Variants in GALNTL6 observed in about 807,000 individuals in gnomAD.
GALNTL6 encodes polypeptide N-acetylgalactosaminyltransferase-like 6.
In GALNTL6, 46 loss-of-function variants were observed where a neutral mutation model predicts 73.7. The observed-to-expected ratio is 0.62, with a 90% confidence interval of 0.49 to 0.80. The LOEUF is 0.80. Ranked by LOEUF, GALNTL6 falls within the 30% of genes least tolerant of loss-of-function variation. The pLI, the probability that GALNTL6 is intolerant of heterozygous loss-of-function variation, is 0.00. For synonymous variants in GALNTL6, 259 were observed against 263.7 expected, an observed-to-expected ratio of 0.98 and a Z score of 0.17; for missense variants, 604 against 755.0, an observed-to-expected ratio of 0.80 and a Z score of 2.34.
chr4:172,816,753 C>T (rs1236759580), intron 7 of GALNTL6, among the ~76,000 whole-genome samples: 2 of 152,076 alleles, frequency 1.3e-5, no homozygotes, highest in East Asian at 1.9e-4. Flanking sequence ...AGAGAAAAGG[C>T]AGCATTCATG....
rs1008221305 is a variant in GALNTL6 at position 172,024,376 on chromosome 4, G to A, written c.139-205280G>A. On this transcript the variant is annotated intron_variant, in intron 2 of 12. Coordinates refer to ENST00000506823, the MANE Select transcript of GALNTL6 (RefSeq NM_001034845.3). The stretch of plus-strand genomic sequence containing the variant: ...ATGAAAATATTATTACTGTTTAAAA[G>A]GCTTGCCTCTAGGCTTAATTTAATT... 2.0e-5 allele frequency among the ~76,000 whole-genome samples: 3 copies of A among 151,684 alleles called. No homozygotes were observed. In the East Asian group the frequency reaches 5.8e-4, roughly 29 times the overall value.
intron 2 of GALNTL6, among the ~76,000 whole-genome samples, chr4:172,090,100 C>T (rs75669564): frequency 0.05 from 7,587 of 152,186 alleles, 585 homozygotes; most frequent in African/African-American, 0.17. Context: ...CAGTCTATCA[C>T]TGATGGGCAT....
At chr4:172,895,746 T>C (rs1376491577) in intron 8 of GALNTL6, among the ~76,000 whole-genome samples, 1 of 152,180 alleles carries the variant, frequency 6.6e-6, no homozygotes, top group African/African-American at 2.4e-5. Context: ...TTAACTCCAA[T>C]AAACTGAATA....
At chr4:172,677,414 G>A (rs1240194989) in intron 5 of GALNTL6, among the ~76,000 whole-genome samples, 1 of 152,136 alleles carries the variant, frequency 6.6e-6, no homozygotes, top group Non-Finnish European at 1.5e-5. Context: ...AAAGGGGAGA[G>A]GGGGAGAAAT....
At chr4:172,212,483 A>G (rs1736358460) in intron 2 of GALNTL6, among the ~76,000 whole-genome samples, 1 of 152,068 alleles carries the variant, frequency 6.6e-6, no homozygotes, top group Non-Finnish European at 1.5e-5. Context: ...TAATTAGCAT[A>G]CATTAAGGTT....
Position 173,009,158 on chromosome 4 carries a change from A to C in GALNTL6, c.1372-20A>C, listed in dbSNP as rs746906677. 18 of 1,567,062 alleles carry C rather than the reference A, an allele frequency of 1.1e-5. No homozygotes were observed. The highest frequency in any genetic ancestry group is 1.5e-5 in the Non-Finnish European group (17 of 1,137,160). Reference sequence around the variant, plus strand: ...AATACGACATAGCCCCACACTCAAAATTCTTTCTTCTTTCCACAGATCCGA... The same window carrying C: ...AATACGACATAGCCCCACACTCAAACTTCTTTCTTCTTTCCACAGATCCGA... On this transcript the variant is annotated intron_variant, in intron 10 of 12. Transcript: ENST00000506823.
chr4:172,277,183 A>T (rs2111070773), intron 3 of GALNTL6, among the ~76,000 whole-genome samples: 1 of 152,232 alleles, frequency 6.6e-6, no homozygotes, highest in African/African-American at 2.4e-5. Flanking sequence ...ACACAAACTA[A>T]AAAGAGCAAT....
rs978910923 is a variant in GALNTL6 at position 172,086,452 on chromosome 4, T to C, written c.139-143204T>C. Among the ~76,000 whole-genome samples the C allele has an allele frequency of 1.6e-4, 25 of 152,276 alleles. No homozygotes were observed. In the East Asian group the frequency reaches 4.4e-3, roughly 27 times the overall value. On this transcript the variant is annotated intron_variant, in intron 2 of 12. Coordinates refer to ENST00000506823, the MANE Select transcript of GALNTL6 (RefSeq NM_001034845.3). ...GTTGTATATATATAATTATTTTGAC[T>C]TTAAACTTGATTTTAAAGCAGTTTT...
intron 5 of GALNTL6, among the ~76,000 whole-genome samples, chr4:172,413,727 C>T (rs978235536): frequency 2.0e-5 from 3 of 147,902 alleles, no homozygotes; most frequent in African/African-American, 7.5e-5. Flanking sequence ...ATATAGATTA[C>T]CTGAAAGGGA....
chr4:172,428,632 T>A (rs962877288), intron 5 of GALNTL6, among the ~76,000 whole-genome samples: 1 of 152,190 alleles, frequency 6.6e-6, no homozygotes, highest in African/African-American at 2.4e-5. Flanking sequence ...CACTTCAAAA[T>A]ACACTTAAGT....
In GALNTL6 at chr4:172,219,325, T is replaced by C. The variant is rs186029287; in HGVS notation, c.139-10331T>C. Among the ~76,000 whole-genome samples, 269 of 151,192 alleles carry C rather than the reference T, an allele frequency of 1.8e-3. 2 individuals are homozygous for C. Among genetic ancestry groups the C allele is most frequent in the Middle Eastern group, 3.5e-3 (1 of 286 alleles). On this transcript the variant is annotated intron_variant, in intron 2 of 12. Coordinates refer to ENST00000506823, the MANE Select transcript of GALNTL6 (RefSeq NM_001034845.3). ...GCATCTATGTTTCTCATTATTAATA[T>C]GAATTATCTTACTTGTTAACACAGA... is the stretch of plus-strand genomic sequence containing the variant.
At chr4:172,400,704 G>T (rs1744005862) in intron 5 of GALNTL6, among the ~76,000 whole-genome samples, 1 of 152,052 alleles carries the variant, frequency 6.6e-6, no homozygotes, top group Admixed American at 6.6e-5. Flanking sequence ...GAAAGGGCAG[G>T]AGTAAGTTGA....
chr4:173,011,611 C>A (rs1451869852), intron 11 of GALNTL6, among the ~76,000 whole-genome samples: 3 of 152,102 alleles, frequency 2.0e-5, no homozygotes, highest in African/African-American at 7.2e-5. Context: ...CCAGTTTTCC[C>A]AGCACCATTT....
intron 5 of GALNTL6, among the ~76,000 whole-genome samples, chr4:172,495,521 C>T (rs2110759722): frequency 6.6e-6 from 1 of 152,280 alleles, no homozygotes; most frequent in East Asian, 1.9e-4. Context: ...GCCCTTGAAA[C>T]CTTAGACTCC....
At chr4:172,951,917 C>G (rs1749461278) in intron 9 of GALNTL6, 120 bp from the exon 10 acceptor site, 1 of 707,508 alleles carries the variant, frequency 1.4e-6, no homozygotes, top group South Asian at 1.9e-5. Context: ...AAACCACCAA[C>G]CAGGGCTGCC....
intron 2 of GALNTL6, among the ~76,000 whole-genome samples, chr4:172,176,344 A>AAAAAAAAAAAAAAAAAAC (rs1734998114): frequency 6.7e-6 from 1 of 148,478 alleles, no homozygotes; most frequent in Non-Finnish European, 1.5e-5. Context: ...TCTCAAAAAA[A>AAAAAAAAAAAAAAAAAAC]AAAAAAAAAA....
At chr4:172,474,350 A>G (rs1047716761) in intron 5 of GALNTL6, among the ~76,000 whole-genome samples, 1 of 152,108 alleles carries the variant, frequency 6.6e-6, no homozygotes, top group Non-Finnish European at 1.5e-5. Context: ...TTTTTGCCAT[A>G]ATAATTTAAT....
intron 2 of GALNTL6, among the ~76,000 whole-genome samples, chr4:172,203,116 T>A (rs761791216): frequency 6.6e-6 from 1 of 152,196 alleles, no homozygotes; most frequent in Non-Finnish European, 1.5e-5. Flanking sequence ...GTGTTGAGAT[T>A]TGAAGTTCAG....
intron 7 of GALNTL6, among the ~76,000 whole-genome samples, chr4:172,866,020 TG>T (rs1485684957): frequency 6.6e-6 from 1 of 152,202 alleles, no homozygotes; most frequent in Non-Finnish European, 1.5e-5. Flanking sequence ...TGATCCTATG[TG>T]CTCACAATCT....
Sources: gnomAD v4.1 joint callset for allele counts (sites outside exome capture counted in the v4.1 genomes callset) on GRCh38, gnomAD v4.1.1 for gene constraint, MANE v1.5 for transcripts, NCBI Gene and HGNC (gene_info 2026-07-23, HGNC 2026-07-21) for gene names.